Variants in DMD observed in about 807,000 individuals in gnomAD.
DMD encodes mutant dystrophin.
A neutral mutation model predicts 330.1 loss-of-function variants in DMD; 63 were observed. The observed-to-expected ratio is 0.19, with a 90% CI of 0.16 to 0.24. The LOEUF (loss-of-function observed/expected upper bound fraction) is 0.24, where lower values mean the gene tolerates loss of function less well. DMD is among the 10% of genes least tolerant of loss of function. DMD has a pLI of 1.00. For synonymous variants in DMD, 1,223 were observed against 959.8 expected (o/e 1.27, Z -5.07); for missense variants, 3,344 against 2,684.1 (o/e 1.25, Z -5.43).
intron 41 of DMD, among the ~76,000 whole-genome samples, chrX:32,330,396 A>G (rs2097673314): frequency 8.9e-6 from 1 of 111,843 alleles, no homozygotes; most frequent in African/African-American, 3.2e-5. Context: ...GTTCCATACA[A>G]TGAGAGTCTT....
intron 60 of DMD, among the ~76,000 whole-genome samples, chrX:31,433,506 G>A (rs1486010603): frequency 1.9e-5 from 2 of 106,600 alleles, no homozygotes; most frequent in African/African-American, 6.9e-5. Context: ...GCCCAGGCTG[G>A]AGTGCAGTGG....
At chrX:32,650,282 G>C (rs969740846) in intron 9 of DMD, among the ~76,000 whole-genome samples, 2 of 111,609 alleles carry the variant, frequency 1.8e-5, no homozygotes, top group Non-Finnish European at 3.8e-5. Context: ...ATCAAAAACA[G>C]TTTTATTGGT....
chrX:31,138,047 C>T (rs1170531407), intron 76 of DMD, among the ~76,000 whole-genome samples: 3 of 111,794 alleles, frequency 2.7e-5, no homozygotes, highest in South Asian at 3.8e-4. Flanking sequence ...CCTGGGGATT[C>T]GGATTTGGCC....
rs140462476 is a variant in DMD, at chrX:31,187,144, A to G, written c.9808-4240T>C. Among the ~76,000 whole-genome samples, 713 of 112,677 alleles carry G rather than the reference A, an allele frequency of 6.3e-3. 7 individuals carry two copies. The highest frequency in any genetic ancestry group is 0.021 in the African/African-American group (667 of 31,026). On this transcript the variant is annotated intron_variant, in intron 67 of 78. Coordinates refer to ENST00000357033, the MANE Select transcript of DMD (RefSeq NM_004006.3). ...TGGAAATATTAATAGTGCCTACCTC[A>G]TAGAGTTATTTTATGATTACGTGAG... is the stretch of plus-strand genomic sequence containing the variant.
intron 17 of DMD, among the ~76,000 whole-genome samples, chrX:32,522,171 T>C (rs1417465071): frequency 8.9e-6 from 1 of 112,133 alleles, no homozygotes; most frequent in Non-Finnish European, 1.9e-5. Context: ...TTGCAAAGTC[T>C]AATCTGTCAC....
At chrX:32,714,986 A>G (rs2065548153) in intron 7 of DMD, among the ~76,000 whole-genome samples, 1 of 111,098 alleles carries the variant, frequency 9.0e-6, no homozygotes, top group East Asian at 2.8e-4. Flanking sequence ...CATTTAGTAA[A>G]AATTCTGAAT....
chrX:32,548,775 C>T (rs1443786438), intron 16 of DMD, among the ~76,000 whole-genome samples: 2 of 111,291 alleles, frequency 1.8e-5, no homozygotes, highest in Non-Finnish European at 3.8e-5. Context: ...TGTTTTAAAT[C>T]TATCATTTCT....
chrX:32,033,603 C>CAGACAGAAAGAA (rs1217395754), intron 44 of DMD, among the ~76,000 whole-genome samples: 14 of 59,938 alleles, frequency 2.3e-4, no homozygotes, highest in Non-Finnish European at 3.3e-4. Flanking sequence ...GACAGACAGA[C>CAGACAGAAAGAA]AGAAAGAAAG....
At chrX:32,714,505 C>T (rs1326012408) in intron 7 of DMD, among the ~76,000 whole-genome samples, 1 of 111,727 alleles carries the variant, frequency 9.0e-6, no homozygotes, top group Non-Finnish European at 1.9e-5. Context: ...AATTTTATTC[C>T]TTTGTGGCTC....
intron 1 of DMD, among the ~76,000 whole-genome samples, chrX:33,086,816 T>C (rs1186277335): frequency 9.2e-6 from 1 of 108,483 alleles, no homozygotes; most frequent in Non-Finnish European, 1.9e-5. Flanking sequence ...ATATAATATA[T>C]ATACATAGAG....
chrX:32,182,446 G>T (rs2096930355), intron 44 of DMD, among the ~76,000 whole-genome samples: 1 of 111,310 alleles, frequency 9.0e-6, no homozygotes, highest in Admixed American at 9.6e-5. Flanking sequence ...TATCTGGATG[G>T]TGCCTCATGA....
rs567143402 is a variant in DMD at position 32,955,572 on chromosome X, T to A, written c.93+64567A>T. On this transcript the variant is annotated intron_variant, in intron 2 of 78. Coordinates refer to ENST00000357033, the MANE Select transcript of DMD (RefSeq NM_004006.3). ...TGCCATTTTTCAATTTTTGCTTTTGTTGCAATTGCTTTTGGCATCTTTGTC... is the reference window on the plus strand; with the variant it reads ...TGCCATTTTTCAATTTTTGCTTTTGATGCAATTGCTTTTGGCATCTTTGTC... Among the ~76,000 whole-genome samples, 15 of 112,381 alleles carry A rather than the reference T, an allele frequency of 1.3e-4. No individual in the cohort carries two copies. The South Asian group carries it at 5.5e-3, about 41-fold the overall frequency.
chrX:31,430,425 G>T, intron 60 of DMD, among the ~76,000 whole-genome samples: 1 of 111,630 alleles, frequency 9.0e-6, no homozygotes, highest in Non-Finnish European at 1.9e-5. Context: ...TGGTGTAAGA[G>T]CAGAAAAGGC....
intron 43 of DMD, among the ~76,000 whole-genome samples, chrX:32,259,567 A>G (rs1340712795): frequency 1.8e-5 from 2 of 111,626 alleles, no homozygotes; most frequent in African/African-American, 6.5e-5. Context: ...TTAAATTTAT[A>G]TTCATGATGA....
At chrX:32,071,711 T>C (rs1417422049) in intron 44 of DMD, among the ~76,000 whole-genome samples, 5 of 110,031 alleles carry the variant, frequency 4.5e-5, no homozygotes, top group African/African-American at 1.7e-4. Flanking sequence ...TGTAACCAAA[T>C]ACCACCTGTA....
chrX:32,376,110 A>G (rs1308906615), intron 34 of DMD, among the ~76,000 whole-genome samples: 1 of 110,100 alleles, frequency 9.1e-6, no homozygotes, highest in African/African-American at 3.3e-5. Flanking sequence ...TGAAACTCCA[A>G]CTCTACCGAA....
rs1009021625 is a variant in DMD, at chrX:31,729,560, T to A, written c.7660+71A>T. On this transcript the variant is annotated intron_variant, in intron 52 of 78. Coordinates refer to ENST00000357033, the MANE Select transcript of DMD (RefSeq NM_004006.3). ...TTTTTATAAATGTGAGGGGGATATA[T>A]GAACTTAAGTTTTTATTGAAACTTG... The A allele has an allele frequency of 1.4e-5, 11 of 796,266 alleles. No homozygotes were observed. The Admixed American group carries it at 2.4e-4, about 18-fold the overall frequency. The allele number at this position is 796,266 out of a possible 1,213,427, so 65.6% of individuals were successfully genotyped here.
intron 1 of DMD, among the ~76,000 whole-genome samples, chrX:33,317,398 G>A (rs977891818): frequency 9.0e-6 from 1 of 111,573 alleles, no homozygotes; most frequent in South Asian, 3.7e-4. Context: ...TATCAACTAA[G>A]AATTTTATTC....
At chrX:32,761,784 A>G (rs1569512888) in intron 7 of DMD, among the ~76,000 whole-genome samples, 1 of 98,447 alleles carries the variant, frequency 1.0e-5, no homozygotes, top group Non-Finnish European at 2.1e-5. Context: ...AACAAAACAT[A>G]TCTCTGGGTT....
Sources: gnomAD v4.1 joint callset for allele counts (sites outside exome capture counted in the v4.1 genomes callset) on GRCh38, gnomAD v4.1.1 for gene constraint, MANE v1.5 for transcripts, NCBI Gene and HGNC (gene_info 2026-07-23, HGNC 2026-07-21) for gene names.